Variants in ANGPT4 observed in about 807,000 individuals in gnomAD.
The protein encoded by ANGPT4 is angiopoietin 4.
A neutral mutation model predicts 53.0 loss-of-function variants in ANGPT4; 50 were observed. That is an observed-to-expected ratio of 0.94 (90% CI 0.75 to 1.20). The LOEUF (loss-of-function observed/expected upper bound fraction) is 1.20, where lower values mean the gene tolerates loss of function less well. Ranked by LOEUF, ANGPT4 falls within the 50% of genes most tolerant of loss-of-function variation. ANGPT4 has a pLI of 0.00. For synonymous variants in ANGPT4, 251 were observed against 259.7 expected (o/e 0.97, Z 0.32); for missense variants, 648 against 637.1 (o/e 1.02, Z -0.18).
rs1047299837 is a variant in ANGPT4 at position 888,218 on chromosome 20, C to T, written c.587+100G>A. The stretch of plus-strand genomic sequence containing the variant: ...CACGTCCAGCTTCCGGTCCTGGCTC[C>T]AGCCCCAGTCCTAGCCCTGGCTCTG... On this transcript the variant is annotated intron_variant, in intron 3 of 8. Coordinates refer to ENST00000381922, the MANE Select transcript of ANGPT4 (RefSeq NM_015985.4). The T allele has an allele frequency of 7.5e-6, 11 of 1,466,244 alleles. No homozygotes were observed. In the South Asian group the frequency reaches 1.5e-4, roughly 20 times the overall value. 90.8% of individuals were successfully genotyped at this position (1,466,244 alleles called of 1,614,324 possible).
chr20:891,433 C>T (rs887228445), intron 1 of ANGPT4, among the ~76,000 whole-genome samples: 2 of 152,220 alleles, frequency 1.3e-5, no homozygotes, highest in African/African-American at 4.8e-5. Flanking sequence ...GCTGGTCTGG[C>T]ATGACACCAG....
At chr20:909,128 C>A (rs1349429122) in intron 1 of ANGPT4, among the ~76,000 whole-genome samples, 1 of 152,116 alleles carries the variant, frequency 6.6e-6, no homozygotes, top group African/African-American at 2.4e-5. Flanking sequence ...ACTCCCTGGG[C>A]CTCCGTTTCC....
At chr20:912,406 T>C (rs548183839) in intron 1 of ANGPT4, among the ~76,000 whole-genome samples, 45 of 152,280 alleles carry the variant, frequency 3.0e-4, no homozygotes, top group African/African-American at 9.4e-4. Flanking sequence ...GAGGAGGTCA[T>C]GTGACTAGCC....
chr20:873,106 C>A lies in ANGPT4; in HGVS notation c.1366G>T (p.Ala456Ser), dbSNP rs963850145. ...CCGTTGAGGTTTGACAGGCCACAGG[C>A]GTCAAACCACCACCCTGGTGGAAGA... is the stretch of plus-strand genomic sequence containing the variant. Reference protein sequence around the residue: ...QVMSGGWWFDACGLSNLNGVY... With the variant: ...QVMSGGWWFDSCGLSNLNGVY... Residue 456 changes from alanine (A) to serine (S), a missense_variant, in exon 9 of 9, where the codon GCC (alanine) becomes TCC (serine). Transcript: ENST00000381922. The A allele has an allele frequency of 1.9e-6, 3 of 1,613,696 alleles. No homozygotes were observed. Among genetic ancestry groups the A allele is most frequent in the Admixed American group, 1.7e-5 (1 of 60,004 alleles).
At position 874,401 on chromosome 20, in the gene ANGPT4, C is replaced by T. The variant is rs138470353; in HGVS notation, c.1234G>A (p.Gly412Arg). Residue 412 changes from glycine (G) to arginine (R), a missense_variant, in exon 8 of 9, where the codon GGG becomes AGG. Physicochemically the swap from Gly to Arg is moderately radical, Grantham distance 125. Transcript: ENST00000381922. Reference sequence around the variant, plus strand: ...TGGCGCCCTGCTGAGCCGCTGTACCCGACCACAGAAAGCCTGGAGGCCACC... The same window carrying T: ...TGGCGCCCTGCTGAGCCGCTGTACCTGACCACAGAAAGCCTGGAGGCCACC... ...ENQLYRLSVV[G>R]YSGSAGRQSS... 34 of 1,613,430 alleles carry T rather than the reference C, an allele frequency of 2.1e-5. No homozygotes were observed. The highest frequency in any genetic ancestry group is 5.0e-5 in the Admixed American group (3 of 59,998).
intron 3 of ANGPT4, among the ~76,000 whole-genome samples, chr20:885,910 C>T (rs1981603385): frequency 6.6e-6 from 1 of 152,050 alleles, no homozygotes. Context: ...ATGGGGTGAA[C>T]ATATAGGAGA....
At chr20:915,787 G>T in intron 1 of ANGPT4, 119 bp downstream of exon 1, 3 of 1,268,236 alleles carry the variant, frequency 2.4e-6, no homozygotes, top group Non-Finnish European at 3.3e-6. Context: ...CCCTCTTTGT[G>T]CAGCTCAGAG....
At chr20:897,185 A>G (rs1313630093) in intron 1 of ANGPT4, among the ~76,000 whole-genome samples, 3 of 152,092 alleles carry the variant, frequency 2.0e-5, no homozygotes, top group Non-Finnish European at 4.4e-5. Flanking sequence ...AAAAAGCTTT[A>G]TTGCTCACAC....
chr20:902,631 T>G (rs1325505885), intron 1 of ANGPT4, among the ~76,000 whole-genome samples: 1 of 152,230 alleles, frequency 6.6e-6, no homozygotes, highest in Non-Finnish European at 1.5e-5. Flanking sequence ...AGAAACCTGT[T>G]TTCTGTTATG....
chr20:893,650 CA>C (rs1981932672), intron 1 of ANGPT4, among the ~76,000 whole-genome samples: 2 of 152,132 alleles, frequency 1.3e-5, no homozygotes, highest in Admixed American at 6.5e-5. Context: ...GCATGGTTTC[CA>C]ATGAGCATCT....
chr20:870,821 CTT>C lies in ANGPT4; in HGVS notation c.*2137_*2138del, dbSNP rs1014984190. ...AATGCCTTCCTCACCCCATTCTCCT[CTT>C]TGAGGACAAACATTTATTAGGCACC... is the stretch of plus-strand genomic sequence containing the variant. On this transcript the variant is annotated 3_prime_UTR_variant, in exon 9 of 9. Transcript: ENST00000381922. The C allele has an allele frequency of 4.6e-5, 7 of 152,356 alleles. No individual in the cohort carries two copies. Among genetic ancestry groups the C allele is most frequent in the African/African-American group, 9.6e-5 (4 of 41,584 alleles). The allele number at this position is 152,356 out of a possible 1,614,324, so 9.4% of individuals were successfully genotyped here.
At chr20:896,829 A>C (rs1982072747) in intron 1 of ANGPT4, among the ~76,000 whole-genome samples, 1 of 152,176 alleles carries the variant, frequency 6.6e-6, no homozygotes, top group African/African-American at 2.4e-5. Context: ...GTAGTTACAT[A>C]ATGAACGCAT....
rs1982703271 is a variant in ANGPT4, at chr20:911,626, A to G, written c.309+4280T>C. Among the ~76,000 whole-genome samples the G allele has an allele frequency of 6.6e-6, 1 of 152,150 alleles. No individual in the cohort carries two copies. ...GAGTCAGGGCCACCGCGAGAGCCCC[A>G]GGAGAGATCCACAGAGGCAGAGAGA... is the stretch of plus-strand genomic sequence containing the variant. On this transcript the variant is annotated intron_variant, in intron 1 of 8. Coordinates refer to ENST00000381922, the MANE Select transcript of ANGPT4 (RefSeq NM_015985.4). The surrounding 1 kb of genome is among the most constrained non-coding windows in gnomAD (Gnocchi z 4.9).
intron 4 of ANGPT4, among the ~76,000 whole-genome samples, chr20:882,933 T>C (rs1051907995): frequency 6.6e-6 from 1 of 152,196 alleles, no homozygotes; most frequent in Non-Finnish European, 1.5e-5. Context: ...AAGAATAGGA[T>C]GGACTGATAT....
At chr20:875,935 G>A (rs1981148852) in intron 7 of ANGPT4, among the ~76,000 whole-genome samples, 4 of 152,032 alleles carry the variant, frequency 2.6e-5, no homozygotes, top group Admixed American at 2.6e-4. Context: ...TTCGAGATCA[G>A]CCTGGGCAAC....
At chr20:890,735 C>A (rs138477785) in intron 1 of ANGPT4, among the ~76,000 whole-genome samples, 88 of 152,286 alleles carry the variant, frequency 5.8e-4, no homozygotes, top group African/African-American at 2.0e-3. Context: ...CAGGTTCCTC[C>A]GTGACTGGGC....
At chr20:876,144 C>CAAAAA (rs3030778) in intron 7 of ANGPT4, among the ~76,000 whole-genome samples, 4 of 99,108 alleles carry the variant, frequency 4.0e-5, no homozygotes, top group African/African-American at 6.9e-5. Flanking sequence ...AGCCCTGTCT[C>CAAAAA]AAAAAAAAAA....
intron 1 of ANGPT4, among the ~76,000 whole-genome samples, chr20:909,513 T>C (rs143602581): frequency 2.1e-3 from 318 of 152,334 alleles, no homozygotes; most frequent in African/African-American, 7.0e-3. Context: ...AAGATATGGA[T>C]GGTACGACAG....
intron 4 of ANGPT4, among the ~76,000 whole-genome samples, chr20:883,619 T>A (rs1286459603): frequency 6.6e-6 from 1 of 152,178 alleles, no homozygotes; most frequent in East Asian, 1.9e-4. Flanking sequence ...CCTTCCCTGG[T>A]GATAGTGGAG....
Sources: allele counts gnomAD v4.1 joint callset (sites outside exome capture counted in the v4.1 genomes callset), GRCh38; gene constraint gnomAD v4.1.1; non-coding constraint Gnocchi (gnomAD v3.1); transcripts MANE v1.5; gene names NCBI Gene and HGNC (gene_info 2026-07-23, HGNC 2026-07-21).